TYR: variants seen among roughly 807,000 people sequenced by gnomAD.
The protein encoded by TYR is tyrosinase.
In TYR, 58 loss-of-function variants were observed where a neutral mutation model predicts 51.5. The observed-to-expected ratio is 1.13, with a 90% CI of 0.91 to 1.40. The LOEUF (loss-of-function observed/expected upper bound fraction) is 1.40, where lower values mean the gene tolerates loss of function less well. Ranked by LOEUF, TYR falls within the 40% of genes most tolerant of loss-of-function variation. The pLI is 0.00. For missense variants in TYR, 732 were observed against 647.4 expected, an observed-to-expected ratio of 1.13 and a Z score of -1.42; for synonymous variants, 263 against 235.2, an observed-to-expected ratio of 1.12 and a Z score of -1.08.
chr11:89,194,670 A>G lies in TYR; in HGVS notation c.1036+3252A>G, dbSNP rs142873794. Among the ~76,000 whole-genome samples, 14 of 152,068 alleles carry G rather than the reference A, an allele frequency of 9.2e-5. No homozygotes were observed. The East Asian group carries it at 1.9e-3, about 21-fold the overall frequency. On this transcript the variant is annotated intron_variant, in intron 2 of 4. Transcript: ENST00000263321. ...ATTTTTTCTATCTATCTATCTATCT[A>G]TCTATCTATCTATCATCTATCTATA...
chr11:89,223,047 A>G (rs750972759), intron 2 of TYR, among the ~76,000 whole-genome samples: 2 of 152,224 alleles, frequency 1.3e-5, no homozygotes, highest in African/African-American at 2.4e-5. Context: ...GAAATTTCCA[A>G]GGGTAAGTCA....
At chr11:89,189,531 A>G (rs1404799072) in intron 1 of TYR, among the ~76,000 whole-genome samples, 1 of 151,972 alleles carries the variant, frequency 6.6e-6, no homozygotes, top group Non-Finnish European at 1.5e-5. Context: ...CATTCTGAAT[A>G]TAATATAGAT....
At chr11:89,249,225 T>C (rs1350634249) in intron 3 of TYR, among the ~76,000 whole-genome samples, 4 of 152,108 alleles carry the variant, frequency 2.6e-5, no homozygotes, top group Non-Finnish European at 5.9e-5. Context: ...TTAGCATTAA[T>C]CACTTCGTGT....
At chr11:89,226,841 C>T (rs892015156) in intron 2 of TYR, among the ~76,000 whole-genome samples, 4 of 152,010 alleles carry the variant, frequency 2.6e-5, no homozygotes, top group Admixed American at 6.6e-5. Context: ...ATATGCCCTT[C>T]GTCGTGTTCC....
chr11:89,282,241 A>G (rs1944728492), intron 3 of TYR, among the ~76,000 whole-genome samples: 1 of 151,838 alleles, frequency 6.6e-6, no homozygotes, highest in South Asian at 2.1e-4. Flanking sequence ...TCGATTGACA[A>G]AAGGTACAAT....
chr11:89,193,333 G>GAA lies in TYR; in HGVS notation c.1036+1921_1036+1922dup, dbSNP rs1333975568. Among the ~76,000 whole-genome samples, 3 of 151,986 alleles carry GAA rather than the reference G, an allele frequency of 2.0e-5. No homozygotes were observed. The East Asian group carries it at 5.8e-4, about 29-fold the overall frequency. ...CACTCGTCTAGGGTCTCAAGTCAAA[G>GAA]AAAAAAAGTGGCTCAAGATGTGTCA... On this transcript the variant is annotated intron_variant, in intron 2 of 4. Coordinates refer to ENST00000263321, the MANE Select transcript of TYR (RefSeq NM_000372.5).
rs763623190 is a variant in TYR at position 89,178,362 on chromosome 11, T to C, written c.409T>C (p.Tyr137His). ...SAPEKDKFFAYLTLAKHTISS... is the reference protein window; with the variant it reads ...SAPEKDKFFAHLTLAKHTISS... ...CCCAGAGAAGGACAAATTTTTTGCCTACCTCACTTTAGCAAAGCATACCAT... is the reference window on the plus strand; with the variant it reads ...CCCAGAGAAGGACAAATTTTTTGCCCACCTCACTTTAGCAAAGCATACCAT... Residue 137 changes from tyrosine to histidine, a missense_variant, in exon 1 of 5, where the codon TAC (tyrosine) becomes CAC (histidine). Tyr to His is a moderately conservative substitution (Grantham distance 83, BLOSUM62 2). Coordinates refer to ENST00000263321, the MANE Select transcript of TYR (RefSeq NM_000372.5). The C allele has an allele frequency of 6.2e-7, 1 of 1,614,080 alleles. No individual in the cohort carries two copies.
intron 2 of TYR, chr11:89,191,973 A>G (rs777856713): frequency 1.1e-5 from 5 of 435,974 alleles, no homozygotes; most frequent in South Asian, 8.2e-5. Context: ...CTATTTTCCT[A>G]CGTTTTAGTG....
At position 89,284,692 on chromosome 11, in the gene TYR, C is replaced by T. The variant is rs191191224; in HGVS notation, c.1185-81C>T. ...CCATGTCTCCAGATTTTAATATATG[C>T]CTTATTTTACTTTAAAAATTTTCAA... On this transcript the variant is annotated intron_variant, in intron 3 of 4. Transcript: ENST00000263321. The T allele has an allele frequency of 1.1e-5, 14 of 1,254,608 alleles. No homozygotes were observed. The Admixed American group carries it at 1.8e-4, about 16-fold the overall frequency. 77.7% of individuals were successfully genotyped at this position (1,254,608 alleles called of 1,614,324 possible). A position where few individuals can be genotyped will look rare whatever the true frequency, so the allele number is the denominator to read the frequency against.
At position 89,295,584 on chromosome 11, in the gene TYR, C is replaced by T; in HGVS notation, c.*218C>T. The T allele has an allele frequency of 1.7e-6, 1 of 572,872 alleles. No individual in the cohort carries two copies. The highest frequency in any genetic ancestry group is 3.1e-6 in the Non-Finnish European group (1 of 324,396). The allele number at this position is 572,872 out of a possible 1,614,324, so 35.5% of individuals were successfully genotyped here. A position where few individuals can be genotyped will look rare whatever the true frequency, so the allele number is the denominator to read the frequency against. On this transcript the variant is annotated 3_prime_UTR_variant, in exon 5 of 5. Coordinates refer to ENST00000263321, the MANE Select transcript of TYR (RefSeq NM_000372.5). ...CCCTTTTAACATTTTCCCCTAAGCC[C>T]ATATGTCTAAGGAAAGGATGCTATT... is the stretch of plus-strand genomic sequence containing the variant.
chr11:89,292,704 T>A (rs1345748681), intron 4 of TYR, among the ~76,000 whole-genome samples: 2 of 152,098 alleles, frequency 1.3e-5, no homozygotes, highest in Non-Finnish European at 2.9e-5. Flanking sequence ...GAAAATCGAA[T>A]ATTGAAAAGA....
At chr11:89,197,417 G>A (rs1397238837) in intron 2 of TYR, among the ~76,000 whole-genome samples, 5 of 152,024 alleles carry the variant, frequency 3.3e-5, no homozygotes, top group South Asian at 2.1e-4. Context: ...AAATTCATTC[G>A]TAATACATTA....
chr11:89,246,833 A>G (rs1353689385), intron 3 of TYR, among the ~76,000 whole-genome samples: 1 of 152,148 alleles, frequency 6.6e-6, no homozygotes, highest in Admixed American at 6.5e-5. Flanking sequence ...GGCTTCAGGA[A>G]TGAACAGCAG....
intron 2 of TYR, among the ~76,000 whole-genome samples, chr11:89,198,417 G>A (rs753764575): frequency 1.1e-4 from 16 of 152,130 alleles, no homozygotes; most frequent in South Asian, 2.1e-4. Flanking sequence ...CCCTGACTCC[G>A]AGAGAGGCAG....
At chr11:89,238,194 C>T (rs887661068) in intron 3 of TYR, among the ~76,000 whole-genome samples, 8 of 152,184 alleles carry the variant, frequency 5.3e-5, no homozygotes, top group African/African-American at 1.4e-4. Flanking sequence ...CCTTAAATTC[C>T]TTTCATCAAT....
At chr11:89,272,507 C>T (rs145451968) in intron 3 of TYR, among the ~76,000 whole-genome samples, 1 of 151,816 alleles carries the variant, frequency 6.6e-6, no homozygotes, top group East Asian at 2.0e-4. Context: ...AGAGCACAGG[C>T]AGGGTAGATT....
chr11:89,238,666 G>A (rs1385040505), intron 3 of TYR, among the ~76,000 whole-genome samples: 2 of 152,046 alleles, frequency 1.3e-5, no homozygotes, highest in Non-Finnish European at 2.9e-5. Flanking sequence ...TCTTCTTCCT[G>A]ATATGAGACA....
At chr11:89,239,119 G>C (rs183370017) in intron 3 of TYR, among the ~76,000 whole-genome samples, 3 of 152,006 alleles carry the variant, frequency 2.0e-5, no homozygotes, top group Non-Finnish European at 4.4e-5. Flanking sequence ...AAGTATTCTC[G>C]CCACTTAAAT....
chr11:89,225,629 T>C (rs1460686685), intron 2 of TYR, among the ~76,000 whole-genome samples: 1 of 151,896 alleles, frequency 6.6e-6, no homozygotes, highest in Non-Finnish European at 1.5e-5. Flanking sequence ...TTAAGTTGTT[T>C]TTGATATGGA....
Sources: allele counts gnomAD v4.1 joint callset (sites outside exome capture counted in the v4.1 genomes callset), GRCh38; gene constraint gnomAD v4.1.1; transcripts MANE v1.5; gene names NCBI Gene and HGNC (gene_info 2026-07-23, HGNC 2026-07-21).